The following CLEC16A variants were observed in gnomAD, a reference collection of about 807,000 sequenced individuals.
CLEC16A encodes the protein C-type lectin domain containing 16A, also known as protein CLEC16A.
CLEC16A carries 51 observed loss-of-function variants against 109.5 expected under a neutral mutation model. That is an observed-to-expected ratio of 0.47 (90% confidence interval 0.37 to 0.59). The LOEUF is 0.59. Ranked by LOEUF, CLEC16A falls within the 20% of genes least tolerant of loss-of-function variation. CLEC16A has a pLI of 0.00. For missense variants in CLEC16A, 1,339 were observed against 1,394.0 expected (o/e 0.96, Z 0.63); for synonymous variants, 673 against 564.2 (o/e 1.19, Z -2.73).
intron 19 of CLEC16A, among the ~76,000 whole-genome samples, chr16:11,074,155 TTTTTTTC>T (rs904184102): frequency 2.4e-5 from 2 of 83,986 alleles, no homozygotes; most frequent in Non-Finnish European, 4.7e-5. Flanking sequence ...TTTCTTCTCT[TTTTTTTC>T]TTTTTTCTTT....
chr16:10,986,731 A>ATGTGTGTGTGTGTGTGTGTG (rs59931468), intron 10 of CLEC16A, among the ~76,000 whole-genome samples: 34 of 150,230 alleles, frequency 2.3e-4, no homozygotes, highest in African/African-American at 7.7e-4. Context: ...TTAAGGCTCA[A>ATGTGTGTGTGTGTGTGTGTG]TGTGTGTGTG....
chr16:11,119,966 G>GTTGTGTTGTT (rs1567346070), intron 19 of CLEC16A, among the ~76,000 whole-genome samples: 2 of 150,882 alleles, frequency 1.3e-5, no homozygotes, highest in African/African-American at 4.9e-5. Flanking sequence ...TTTGTGTTGT[G>GTTGTGTTGTT]TTGTTTTGTT....
At position 11,110,524 on chromosome 16, in the gene CLEC16A, G is replaced by C. The variant is rs184783610; in HGVS notation, c.2117-10091G>C. Among the ~76,000 whole-genome samples, 380 of 147,862 alleles carry C rather than the reference G, an allele frequency of 2.6e-3. 5 individuals are homozygous for C. The highest frequency in any genetic ancestry group is 2.5e-3 in the East Asian group (13 of 5,158). ...ATGATTCATTTTCTCCCTCTGAAGA[G>C]ACTCATTTAGTCAAGAGTTTGCATT... On this transcript the variant is annotated intron_variant, in intron 19 of 23. Transcript: ENST00000409790.
intron 10 of CLEC16A, among the ~76,000 whole-genome samples, chr16:10,988,241 T>A (rs1234403163): frequency 1.3e-5 from 2 of 152,242 alleles, no homozygotes; most frequent in Non-Finnish European, 2.9e-5. Flanking sequence ...TTTTTCCTCT[T>A]GGGTTTCTGT....
At chr16:11,151,952 A>C (rs2054307044) in intron 22 of CLEC16A, among the ~76,000 whole-genome samples, 1 of 152,148 alleles carries the variant, frequency 6.6e-6, no homozygotes, top group African/African-American at 2.4e-5. Context: ...TAATTAACGG[A>C]ACTACAGAGA....
At chr16:11,077,426 T>G (rs956700497) in intron 19 of CLEC16A, among the ~76,000 whole-genome samples, 2 of 147,846 alleles carry the variant, frequency 1.4e-5, no homozygotes, top group Non-Finnish European at 3.0e-5. Context: ...GAGCCAAGAT[T>G]GTGCCACTGC....
chr16:11,140,496 T>G (rs1211881349), intron 22 of CLEC16A, among the ~76,000 whole-genome samples: 1 of 152,234 alleles, frequency 6.6e-6, no homozygotes, highest in South Asian at 2.1e-4. Context: ...CACAGTGGTC[T>G]AGCATCTCAA....
chr16:11,046,486 G>A (rs1213374632), intron 16 of CLEC16A, among the ~76,000 whole-genome samples: 1 of 152,118 alleles, frequency 6.6e-6, no homozygotes, highest in Non-Finnish European at 1.5e-5. Context: ...GTGTGTGTGT[G>A]TGTCTCATTC....
At chr16:11,093,640 G>A (rs75283704) in intron 19 of CLEC16A, among the ~76,000 whole-genome samples, 10,930 of 152,230 alleles carry the variant, frequency 0.072, 401 homozygotes, top group East Asian at 0.12. Context: ...TCAGCCAGGC[G>A]CCGAGGGTGG....
rs556834726 is a variant in CLEC16A, at chr16:11,059,500, A to G, written c.1996-1402A>G. 4.6e-5 allele frequency among the ~76,000 whole-genome samples: 7 copies of G among 152,332 alleles called. No individual in the cohort carries two copies. The South Asian group carries it at 1.4e-3, about 32-fold the overall frequency. On this transcript the variant is annotated intron_variant, in intron 18 of 23. Transcript: ENST00000409790. ...TAGGGCGCAAGGCAGCACTGGGTGTAAGCAGGCTGACCAGCTCCTCATTGC... is the reference window on the plus strand; with the variant it reads ...TAGGGCGCAAGGCAGCACTGGGTGTGAGCAGGCTGACCAGCTCCTCATTGC...
intron 22 of CLEC16A, among the ~76,000 whole-genome samples, chr16:11,162,435 T>C (rs2054756835): frequency 6.6e-6 from 1 of 152,150 alleles, no homozygotes; most frequent in Non-Finnish European, 1.5e-5. Context: ...CCCTTTTTTT[T>C]CTCTTTTTGG....
intron 22 of CLEC16A, chr16:11,157,072 T>G: frequency 7.7e-7 from 1 of 1,304,290 alleles, no homozygotes; most frequent in Non-Finnish European, 1.0e-6. Context: ...TTTTCTTTTC[T>G]GCAGGTTTTC....
At chr16:11,009,390 C>T (rs931406349) in intron 11 of CLEC16A, among the ~76,000 whole-genome samples, 9 of 152,184 alleles carry the variant, frequency 5.9e-5, no homozygotes, top group African/African-American at 1.4e-4. Context: ...GGAATAATGC[C>T]GCTATAAACA....
intron 2 of CLEC16A, among the ~76,000 whole-genome samples, chr16:10,960,052 C>T (rs1445824426): frequency 6.6e-6 from 1 of 152,132 alleles, no homozygotes; most frequent in Non-Finnish European, 1.5e-5. Flanking sequence ...GTTTTTACTA[C>T]ATTTTAAAAT....
chr16:11,096,288 T>C lies in CLEC16A; in HGVS notation c.2117-24327T>C, dbSNP rs982013927. On this transcript the variant is annotated intron_variant, in intron 19 of 23. Coordinates refer to ENST00000409790, the MANE Select transcript of CLEC16A (RefSeq NM_015226.3). ...TGAGTCCGGGAAGTCAAGCCTATAGTGAGCTGTGATGGCATCACCGCACTC... is the reference window on the plus strand; with the variant it reads ...TGAGTCCGGGAAGTCAAGCCTATAGCGAGCTGTGATGGCATCACCGCACTC... Among the ~76,000 whole-genome samples, 4 of 152,188 alleles carry C rather than the reference T, an allele frequency of 2.6e-5. No individual in the cohort carries two copies. The East Asian group carries it at 7.8e-4, about 30-fold the overall frequency.
intron 19 of CLEC16A, among the ~76,000 whole-genome samples, chr16:11,082,757 G>A (rs1351874199): frequency 6.6e-6 from 1 of 152,202 alleles, no homozygotes; most frequent in Non-Finnish European, 1.5e-5. Context: ...TGAGGTAGAA[G>A]TCCTGCCTGC....
chr16:11,126,537 G>GTCTCACTTCTTC, intron 22 of CLEC16A: 1 of 666,976 alleles, frequency 1.5e-6, no homozygotes, highest in Non-Finnish European at 2.3e-6. Context: ...ACCCCCTGAA[G>GTCTCACTTCTTC]AAGTGAGACT....
At chr16:10,997,540 C>G (rs1280641720) in intron 10 of CLEC16A, among the ~76,000 whole-genome samples, 1 of 152,156 alleles carries the variant, frequency 6.6e-6, no homozygotes, top group East Asian at 1.9e-4. Context: ...ACTCTCTTAA[C>G]TATTCTTAAG....
At chr16:11,001,448 T>G (rs2044664078) in intron 10 of CLEC16A, among the ~76,000 whole-genome samples, 1 of 152,190 alleles carries the variant, frequency 6.6e-6, no homozygotes, top group African/African-American at 2.4e-5. Context: ...ACTGTTCTTT[T>G]AGGAAGAGTG....
Sources: gnomAD v4.1 joint callset for allele counts (sites outside exome capture counted in the v4.1 genomes callset) on GRCh38, gnomAD v4.1.1 for gene constraint, MANE v1.5 for transcripts, NCBI Gene and HGNC (gene_info 2026-07-23, HGNC 2026-07-21) for gene names.